The following ZDHHC14 variants were observed in gnomAD, a reference collection of about 807,000 sequenced individuals.
ZDHHC14 encodes zDHHC palmitoyltransferase 14.
Under a neutral mutation model 47.7 loss-of-function variants are expected in ZDHHC14, and 16 were observed. The ratio of observed to expected loss-of-function variants is 0.34; its 90% CI spans 0.23 to 0.51. ZDHHC14 has a LOEUF of 0.51. Ranked by LOEUF, ZDHHC14 falls within the 20% of genes least tolerant of loss-of-function variation. The probability of loss-of-function intolerance (pLI) is 0.97; values close to 1 mark genes in which losing one functional copy is unlikely to be tolerated. For missense variants in ZDHHC14, 515 were observed against 662.5 expected (o/e 0.78, Z 2.44); for synonymous variants, 293 against 278.9 (o/e 1.05, Z -0.50).
At chr6:157,584,503 C>T (rs923837715) in intron 2 of ZDHHC14, among the ~76,000 whole-genome samples, 4 of 152,156 alleles carry the variant, frequency 2.6e-5, no homozygotes, top group Non-Finnish European at 5.9e-5. Context: ...GATATTTGAT[C>T]CCTGAATTTG....
At chr6:157,445,223 G>A (rs905628411) in intron 1 of ZDHHC14, among the ~76,000 whole-genome samples, 1 of 150,426 alleles carries the variant, frequency 6.6e-6, no homozygotes. Flanking sequence ...GAAAATAATA[G>A]CTCTGAATTA....
Position 157,427,390 on chromosome 6 carries a change from G to A in ZDHHC14, c.245+45124G>A, listed in dbSNP as rs1337221775. ...TCTACAGAGATGCGCAGGATGCAGG[G>A]CCCCGAGGACTGGAGGGCATTTATG... On this transcript the variant is annotated intron_variant, in intron 1 of 8. Coordinates refer to ENST00000359775, the MANE Select transcript of ZDHHC14 (RefSeq NM_024630.3). This position sits in a 1 kb window ranked among gnomAD's most constrained non-coding sequence, Gnocchi z 4.4. Among the ~76,000 whole-genome samples the A allele has an allele frequency of 6.6e-6, 1 of 152,150 alleles. No individual in the cohort carries two copies. Among genetic ancestry groups the A allele is most frequent in the Non-Finnish European group, 1.5e-5 (1 of 68,018 alleles).
chr6:157,432,507 A>G (rs2114782354), intron 1 of ZDHHC14, among the ~76,000 whole-genome samples: 1 of 152,298 alleles, frequency 6.6e-6, no homozygotes, highest in Non-Finnish European at 1.5e-5. Context: ...AAGAGGTCAT[A>G]AGTCAACTGA....
At chr6:157,653,751 C>T in intron 8 of ZDHHC14, 124 bp downstream of exon 8, 1 of 835,670 alleles carries the variant, frequency 1.2e-6, no homozygotes, top group East Asian at 2.7e-5. Flanking sequence ...AGCCGCCCAC[C>T]CCATGACTAC....
intron 1 of ZDHHC14, among the ~76,000 whole-genome samples, chr6:157,440,307 A>G (rs974325703): frequency 1.3e-5 from 2 of 152,184 alleles, no homozygotes; most frequent in Admixed American, 6.5e-5. Flanking sequence ...ACATGACAAA[A>G]TAGAGAAATT....
intron 1 of ZDHHC14, among the ~76,000 whole-genome samples, chr6:157,470,379 G>A (rs1361584884): frequency 1.3e-5 from 2 of 152,152 alleles, no homozygotes; most frequent in East Asian, 1.9e-4. Context: ...GTGAGCCACC[G>A]CTCCTGAGAT....
At position 157,573,582 on chromosome 6, in the gene ZDHHC14, C is replaced by T. The variant is rs113506660; in HGVS notation, c.407-19406C>T. Among the ~76,000 whole-genome samples the T allele has an allele frequency of 8.1e-3, 1,240 of 152,316 alleles. 15 individuals carry two copies. The highest frequency in any genetic ancestry group is 0.028 in the African/African-American group (1,175 of 41,566). On this transcript the variant is annotated intron_variant, in intron 2 of 8. Transcript: ENST00000359775. The stretch of plus-strand genomic sequence containing the variant: ...TGCTGCCCACCCTGGCTCCCTCCTA[C>T]GCCCTTCATGAAGGATCCCTCTCCA...
intron 1 of ZDHHC14, among the ~76,000 whole-genome samples, chr6:157,439,543 A>G (rs1379617073): frequency 1.3e-5 from 2 of 152,160 alleles, no homozygotes; most frequent in East Asian, 1.9e-4. Flanking sequence ...AAATAGGAAC[A>G]TTTTTACACT....
At chr6:157,542,830 A>G (rs1582912706) in intron 2 of ZDHHC14, 85 bp downstream of exon 2, 2 of 1,493,946 alleles carry the variant, frequency 1.3e-6, no homozygotes, top group South Asian at 1.3e-5. Context: ...AGGGCTGTGC[A>G]GGAGGAGCTG....
chr6:157,557,715 T>G (rs567923482), intron 2 of ZDHHC14, among the ~76,000 whole-genome samples: 1 of 152,232 alleles, frequency 6.6e-6, no homozygotes, highest in Non-Finnish European at 1.5e-5. Context: ...GTTTCATTTC[T>G]GTAACCACTG....
At chr6:157,537,249 A>G (rs1410550107) in intron 1 of ZDHHC14, among the ~76,000 whole-genome samples, 1 of 152,114 alleles carries the variant, frequency 6.6e-6, no homozygotes, top group African/African-American at 2.4e-5. Flanking sequence ...ACATCAATGC[A>G]CAAAAACAAT....
At chr6:157,542,294 T>C (rs1234190805) in intron 1 of ZDHHC14, among the ~76,000 whole-genome samples, 1 of 152,186 alleles carries the variant, frequency 6.6e-6, no homozygotes, top group African/African-American at 2.4e-5. Flanking sequence ...CTGTGCGTCT[T>C]AGACTGATTA....
Position 157,647,254 on chromosome 6 carries a change from T to C in ZDHHC14, c.856-5T>C, listed in dbSNP as rs373878432. On this transcript the variant is annotated splice_region_variant and splice_polypyrimidine_tract_variant and intron_variant, in intron 6 of 8. Transcript: ENST00000359775. Reference sequence around the variant, plus strand: ...TGCTTGTTACTGACTTTCCTTTTCTTTCAGATTAAAGGATCCTGGTCAAAT... The same window carrying C: ...TGCTTGTTACTGACTTTCCTTTTCTCTCAGATTAAAGGATCCTGGTCAAAT... 16 of 1,607,478 alleles carry C rather than the reference T, an allele frequency of 1.0e-5. No individual in the cohort carries two copies. In the African/African-American group the frequency reaches 1.6e-4, roughly 16 times the overall value.
chr6:157,592,720 C>T, intron 2 of ZDHHC14: 3 of 1,211,412 alleles, frequency 2.5e-6, no homozygotes, highest in Non-Finnish European at 3.1e-6. Context: ...CGGGGCTCCA[C>T]AGGGAGGGCC....
intron 3 of ZDHHC14, among the ~76,000 whole-genome samples, chr6:157,596,432 T>G (rs1784131653): frequency 6.6e-6 from 1 of 152,168 alleles, no homozygotes; most frequent in Non-Finnish European, 1.5e-5. Context: ...TCACTTTGCA[T>G]GGGAGAGGAG....
intron 3 of ZDHHC14, among the ~76,000 whole-genome samples, chr6:157,614,618 T>C (rs541718766): frequency 4.5e-4 from 69 of 152,040 alleles, no homozygotes; most frequent in Non-Finnish European, 7.9e-4. Flanking sequence ...TCGCTAGACA[T>C]CGATCTGCCA....
chr6:157,614,335 A>G (rs1784872561), intron 3 of ZDHHC14, among the ~76,000 whole-genome samples: 1 of 150,482 alleles, frequency 6.6e-6, no homozygotes, highest in Non-Finnish European at 1.5e-5. Context: ...ATTTACAGTC[A>G]ACTTTACCAC....
rs551073648 is a variant in ZDHHC14, at chr6:157,435,311, G to T, written c.245+53045G>T. ...ATAGAAATCCGAGAAGAGGGCAAGA[G>T]CAAGGGTGCCCCGCAGAAGTGCTTG... On this transcript the variant is annotated intron_variant, in intron 1 of 8. Coordinates refer to ENST00000359775, the MANE Select transcript of ZDHHC14 (RefSeq NM_024630.3). 2.8e-4 allele frequency among the ~76,000 whole-genome samples: 43 copies of T among 152,336 alleles called. No individual in the cohort carries two copies. The South Asian group carries it at 5.8e-3, about 21-fold the overall frequency.
intron 1 of ZDHHC14, among the ~76,000 whole-genome samples, chr6:157,522,981 TTTTTCTTTTCTTTTC>T (rs1274579627): frequency 3.4e-5 from 1 of 29,806 alleles, no homozygotes. Flanking sequence ...TTTTCTTTTC[TTTTTCTTTTCTTTTC>T]TTTTCTTTTC....
Sources: gnomAD v4.1 joint callset for allele counts (sites outside exome capture counted in the v4.1 genomes callset) on GRCh38, gnomAD v4.1.1 for gene constraint, Gnocchi (gnomAD v3.1) non-coding constraint, MANE v1.5 for transcripts, NCBI Gene and HGNC (gene_info 2026-07-23, HGNC 2026-07-21) for gene names.